Variants in PCDH7 observed in about 807,000 individuals in gnomAD.
PCDH7 encodes protocadherin 7.
PCDH7 carries 17 observed loss-of-function variants against 58.9 expected under a neutral mutation model. The observed-to-expected ratio is 0.29, with a 90% confidence interval of 0.20 to 0.43. The LOEUF is 0.43. Among genes scored for constraint, PCDH7 ranks in the 20% least tolerant of loss-of-function variants. The pLI, the probability that PCDH7 is intolerant of heterozygous loss-of-function variation, is 1.00. For missense variants in PCDH7, 1,274 were observed against 1,441.0 expected, an observed-to-expected ratio of 0.88 and a Z score of 1.88; for synonymous variants, 664 against 616.4, an observed-to-expected ratio of 1.08 and a Z score of -1.14.
At chr4:30,906,700 T>C (rs1003435934) in intron 1 of PCDH7, among the ~76,000 whole-genome samples, 2 of 152,202 alleles carry the variant, frequency 1.3e-5, no homozygotes, top group African/African-American at 4.8e-5. Context: ...TATAGCATCT[T>C]GAATATTGCA....
chr4:31,084,354 G>A (rs995779340), intron 3 of PCDH7, among the ~76,000 whole-genome samples: 5 of 152,202 alleles, frequency 3.3e-5, no homozygotes, highest in South Asian at 2.1e-4. Context: ...CATTATAGAC[G>A]AAGATGTGAA....
intron 2 of PCDH7, among the ~76,000 whole-genome samples, chr4:30,935,120 T>G (rs1383509097): frequency 6.6e-6 from 1 of 152,116 alleles, no homozygotes; most frequent in Non-Finnish European, 1.5e-5. Flanking sequence ...TTACTATATT[T>G]AGTGAAGTAT....
At chr4:30,945,519 A>G (rs1746565655) in intron 2 of PCDH7, among the ~76,000 whole-genome samples, 1 of 152,136 alleles carries the variant, frequency 6.6e-6, no homozygotes, top group Non-Finnish European at 1.5e-5. Context: ...ATTCATAATT[A>G]TTCTTTTAAC....
At chr4:30,798,872 A>G (rs1725140366) in intron 1 of PCDH7, among the ~76,000 whole-genome samples, 1 of 152,194 alleles carries the variant, frequency 6.6e-6, no homozygotes, top group Non-Finnish European at 1.5e-5. Flanking sequence ...CATATTACTA[A>G]TTTTTAAAAA....
chr4:31,019,670 A>G (rs781766724), intron 3 of PCDH7, among the ~76,000 whole-genome samples: 29 of 151,688 alleles, frequency 1.9e-4, no homozygotes, highest in Non-Finnish European at 4.0e-4. Flanking sequence ...GCCTGGGGAC[A>G]GAGCGAGACT....
intron 1 of PCDH7, among the ~76,000 whole-genome samples, chr4:30,749,531 G>A (rs1718229809): frequency 6.6e-6 from 1 of 152,044 alleles, no homozygotes; most frequent in Admixed American, 6.6e-5. Flanking sequence ...CTATTGCCTG[G>A]TGGTCTTTTT....
At chr4:30,867,665 A>T (rs1389025137) in intron 1 of PCDH7, among the ~76,000 whole-genome samples, 1 of 152,022 alleles carries the variant, frequency 6.6e-6, no homozygotes, top group Admixed American at 6.6e-5. Flanking sequence ...AGGTTTGGTG[A>T]TTCACTGGTG....
intron 2 of PCDH7, among the ~76,000 whole-genome samples, chr4:30,921,975 T>C (rs1295210886): frequency 2.6e-5 from 4 of 151,764 alleles, no homozygotes; most frequent in Non-Finnish European, 5.9e-5. Flanking sequence ...TATGAGTTTA[T>C]GGGGATTCAT....
intron 1 of PCDH7, among the ~76,000 whole-genome samples, chr4:30,782,441 C>A (rs1008239633): frequency 2.0e-5 from 3 of 152,112 alleles, no homozygotes; most frequent in African/African-American, 7.2e-5. Flanking sequence ...AAATATTATT[C>A]CTACTTTACA....
chr4:30,729,420 T>C (rs1336876300), intron 1 of PCDH7, among the ~76,000 whole-genome samples: 1 of 152,006 alleles, frequency 6.6e-6, no homozygotes, highest in East Asian at 1.9e-4. Flanking sequence ...ATTCAAAATT[T>C]ACAGAATTTT....
chr4:31,133,615 G>T (rs1255781952), intron 3 of PCDH7, among the ~76,000 whole-genome samples: 1 of 152,132 alleles, frequency 6.6e-6, no homozygotes, highest in Non-Finnish European at 1.5e-5. Flanking sequence ...TACCGCTGCT[G>T]TCTCTAACTC....
At chr4:30,773,253 T>C (rs1721642501) in intron 1 of PCDH7, among the ~76,000 whole-genome samples, 1 of 152,196 alleles carries the variant, frequency 6.6e-6, no homozygotes. Flanking sequence ...GAGTGTGTTT[T>C]TAAGTGAAAG....
At chr4:30,765,124 G>GTTTTTTTTTT (rs1242502475) in intron 1 of PCDH7, among the ~76,000 whole-genome samples, 1 of 36,062 alleles carries the variant, frequency 2.8e-5, no homozygotes, top group Non-Finnish European at 6.6e-5. Flanking sequence ...GACTTCAGAT[G>GTTTTTTTTTT]CTTTTTTTTT....
At chr4:30,896,960 A>G (rs996236026) in intron 1 of PCDH7, among the ~76,000 whole-genome samples, 1 of 118,720 alleles carries the variant, frequency 8.4e-6, no homozygotes, top group Non-Finnish European at 1.6e-5. Flanking sequence ...GCTGGAGTGC[A>G]GTGGCAGGAT....
Position 31,036,441 on chromosome 4 carries a change from G to A in PCDH7, c.*7+86226G>A, listed in dbSNP as rs555089558. Among the ~76,000 whole-genome samples the A allele has an allele frequency of 3.9e-5, 6 of 152,146 alleles. No homozygotes were observed. In the South Asian group the frequency reaches 1.2e-3, roughly 32 times the overall value. Reference sequence around the variant, plus strand: ...CCTCAAGTTTTCTGCCCAAAACTCGGCCTCCCACAGTGCTGGGATTATAAG... The same window carrying A: ...CCTCAAGTTTTCTGCCCAAAACTCGACCTCCCACAGTGCTGGGATTATAAG... On this transcript the variant is annotated intron_variant, in intron 3 of 3. Transcript: ENST00000509759.
At chr4:30,806,762 C>CT (rs542804452) in intron 1 of PCDH7, among the ~76,000 whole-genome samples, 4 of 151,796 alleles carry the variant, frequency 2.6e-5, no homozygotes, top group Non-Finnish European at 5.9e-5. Flanking sequence ...TCAAAATACT[C>CT]TATTTTCTAT....
chr4:31,035,944 C>G (rs1755373727), intron 3 of PCDH7, among the ~76,000 whole-genome samples: 2 of 152,100 alleles, frequency 1.3e-5, no homozygotes, highest in South Asian at 2.1e-4. Flanking sequence ...TTCATAAGAC[C>G]TGTAAGTGGA....
chr4:30,983,623 C>A (rs9291556), intron 3 of PCDH7, among the ~76,000 whole-genome samples: 8,840 of 152,206 alleles, frequency 0.058, 847 homozygotes, highest in African/African-American at 0.2. Context: ...TACTTAACCC[C>A]TAAAATGTTA....
intron 1 of PCDH7, among the ~76,000 whole-genome samples, chr4:30,782,221 C>A (rs7668639): frequency 6.6e-6 from 1 of 151,740 alleles, no homozygotes; most frequent in Admixed American, 6.6e-5. Context: ...CTTATTTTTT[C>A]TTAAACATGC....
Sources: allele counts gnomAD v4.1 joint callset (sites outside exome capture counted in the v4.1 genomes callset), GRCh38; gene constraint gnomAD v4.1.1; transcripts MANE v1.5; gene names NCBI Gene and HGNC (gene_info 2026-07-23, HGNC 2026-07-21).